Variants in ZFPM2 observed in about 807,000 individuals in gnomAD.
The protein encoded by ZFPM2 is zinc finger protein ZFPM2.
A neutral mutation model predicts 98.6 loss-of-function variants in ZFPM2; 20 were observed. That is an observed-to-expected ratio of 0.20 (90% CI 0.14 to 0.29). ZFPM2 has a LOEUF of 0.29. ZFPM2 is among the 10% of genes least tolerant of loss of function. The pLI, the probability that ZFPM2 is intolerant of heterozygous loss-of-function variation, is 1.00. For missense variants in ZFPM2, 1,310 were observed against 1,388.6 expected (o/e 0.94, Z 0.90); for synonymous variants, 518 against 502.7 (o/e 1.03, Z -0.41).
chr8:105,504,359 A>T (rs1813654742), intron 3 of ZFPM2, among the ~76,000 whole-genome samples: 1 of 152,208 alleles, frequency 6.6e-6, no homozygotes, highest in African/African-American at 2.4e-5. Context: ...ATTAACAAGT[A>T]TGACAAACCT....
chr8:105,577,622 A>C (rs1586474890), intron 4 of ZFPM2, among the ~76,000 whole-genome samples: 1 of 152,010 alleles, frequency 6.6e-6, no homozygotes, highest in East Asian at 1.9e-4. Flanking sequence ...TTGCAAAATT[A>C]TCATGAAGAT....
chr8:105,602,440 G>A (rs972201883), intron 4 of ZFPM2, among the ~76,000 whole-genome samples: 4 of 152,036 alleles, frequency 2.6e-5, no homozygotes, highest in Non-Finnish European at 5.9e-5. Context: ...AAATGAAGCC[G>A]AATTATAACT....
chr8:105,357,255 T>A (rs1263092070), intron 1 of ZFPM2, among the ~76,000 whole-genome samples: 1 of 152,212 alleles, frequency 6.6e-6, no homozygotes, highest in East Asian at 1.9e-4. Flanking sequence ...CTTTTCAGTA[T>A]TCTCCTAATC....
At chr8:105,330,424 C>T (rs1395607265) in intron 1 of ZFPM2, among the ~76,000 whole-genome samples, 2 of 150,054 alleles carry the variant, frequency 1.3e-5, no homozygotes, top group South Asian at 2.1e-4. Flanking sequence ...GAAGGTGAAC[C>T]GATCACCATT....
intron 5 of ZFPM2, among the ~76,000 whole-genome samples, chr8:105,760,658 C>G (rs1812714563): frequency 6.6e-6 from 1 of 151,952 alleles, no homozygotes; most frequent in Non-Finnish European, 1.5e-5. Flanking sequence ...CTTAAGCAAG[C>G]AACTGTGACA....
At chr8:105,656,615 A>G (rs1343482430) in intron 5 of ZFPM2, among the ~76,000 whole-genome samples, 1 of 152,006 alleles carries the variant, frequency 6.6e-6, no homozygotes, top group Non-Finnish European at 1.5e-5. Context: ...CAAGGCCGTG[A>G]CTCTTAATGG....
chr8:105,781,318 A>T (rs1324128837), intron 5 of ZFPM2, among the ~76,000 whole-genome samples: 1 of 152,206 alleles, frequency 6.6e-6, no homozygotes, highest in Non-Finnish European at 1.5e-5. Flanking sequence ...TTTGTATTTT[A>T]TATTAATAAT....
chr8:105,595,073 T>C (rs1815939834), intron 4 of ZFPM2, among the ~76,000 whole-genome samples: 1 of 152,088 alleles, frequency 6.6e-6, no homozygotes, highest in South Asian at 2.1e-4. Flanking sequence ...CTCTGTGGGA[T>C]GTTAGAGAAC....
intron 3 of ZFPM2, 138 bp from the exon 4 acceptor site, chr8:105,561,225 G>A: frequency 1.4e-6 from 1 of 699,608 alleles, no homozygotes; most frequent in East Asian, 2.7e-5. Context: ...AAGATGAGTT[G>A]TTTTTCAGAC....
chr8:105,616,233 T>G (rs1354407969), intron 4 of ZFPM2, among the ~76,000 whole-genome samples: 1 of 152,068 alleles, frequency 6.6e-6, no homozygotes, highest in Non-Finnish European at 1.5e-5. Context: ...AAACAATACA[T>G]AAAAAATCTG....
At chr8:105,586,005 GT>G (rs1586480670) in intron 4 of ZFPM2, among the ~76,000 whole-genome samples, 5 of 49,432 alleles carry the variant, frequency 1.0e-4, no homozygotes, top group Admixed American at 5.5e-4. Context: ...GGGAAGGGGT[GT>G]GTGTGTGTGT....
chr8:105,524,239 A>T (rs1279281272), intron 3 of ZFPM2, among the ~76,000 whole-genome samples: 1 of 152,190 alleles, frequency 6.6e-6, no homozygotes, highest in Non-Finnish European at 1.5e-5. Context: ...GGACAGGTTA[A>T]GGTTGTCATA....
chr8:105,601,784 A>G (rs12681540), intron 4 of ZFPM2, among the ~76,000 whole-genome samples: 30,998 of 151,986 alleles, frequency 0.2, 3,199 homozygotes, highest in South Asian at 0.26. Flanking sequence ...CACGGGCATT[A>G]GTTGAAGTAA....
chr8:105,366,921 C>A (rs1415668456), intron 1 of ZFPM2, among the ~76,000 whole-genome samples: 1 of 145,936 alleles, frequency 6.9e-6, no homozygotes, highest in Non-Finnish European at 1.5e-5. Context: ...AGGAAGGGAT[C>A]CAGTTTCAGC....
At chr8:105,373,516 C>G (rs993283487) in intron 1 of ZFPM2, among the ~76,000 whole-genome samples, 4 of 152,100 alleles carry the variant, frequency 2.6e-5, no homozygotes, top group African/African-American at 9.7e-5. Context: ...TTCTCTGGGC[C>G]TTACAGTCAT....
rs1563508879 is a variant in ZFPM2, at chr8:105,658,608, A to AAAAAG, written c.532+24254_532+24255insAGAAA. 1.5e-4 allele frequency among the ~76,000 whole-genome samples: 6 copies of AAAAAG among 40,538 alleles called. 1 individual carries two copies. The highest frequency in any genetic ancestry group is 4.8e-4 in the Admixed American group (2 of 4,158). The allele number at this position is 40,538 out of a possible 152,430, so 26.6% of individuals were successfully genotyped here. On this transcript the variant is annotated intron_variant, in intron 5 of 7. Coordinates refer to ENST00000407775, the MANE Select transcript of ZFPM2 (RefSeq NM_012082.4). The stretch of plus-strand genomic sequence containing the variant: ...TCTCAAAAAAAAAAAAAAAAAAAAA[A>AAAAAG]AAAGAAATCAAAGCAGACTGCATCA...
At chr8:105,471,070 C>T (rs1812893883) in intron 3 of ZFPM2, among the ~76,000 whole-genome samples, 3 of 151,992 alleles carry the variant, frequency 2.0e-5, no homozygotes, top group Non-Finnish European at 4.4e-5. Context: ...GAAATAGTTT[C>T]TGACTATTCC....
At chr8:105,608,439 C>T (rs1452952968) in intron 4 of ZFPM2, among the ~76,000 whole-genome samples, 2 of 152,114 alleles carry the variant, frequency 1.3e-5, no homozygotes, top group East Asian at 1.9e-4. Flanking sequence ...AAGGAAGGCA[C>T]ACTGCATACT....
intron 3 of ZFPM2, among the ~76,000 whole-genome samples, chr8:105,560,730 A>G (rs1815116981): frequency 6.6e-6 from 1 of 152,036 alleles, no homozygotes; most frequent in Non-Finnish European, 1.5e-5. Flanking sequence ...CCAAAATATT[A>G]CTCTGGAGTA....
Sources: gnomAD v4.1 joint callset for allele counts (sites outside exome capture counted in the v4.1 genomes callset) on GRCh38, gnomAD v4.1.1 for gene constraint, MANE v1.5 for transcripts, NCBI Gene and HGNC (gene_info 2026-07-23, HGNC 2026-07-21) for gene names.